The following CLEC2A variants were observed in gnomAD, a reference collection of about 807,000 sequenced individuals.
CLEC2A encodes keratinocyte-associated C-type lectin.
Under a neutral mutation model 18.6 loss-of-function variants are expected in CLEC2A, and 19 were observed. The ratio of observed to expected loss-of-function variants is 1.02; its 90% confidence interval spans 0.71 to 1.50. CLEC2A has a LOEUF of 1.50. Among genes scored for constraint, CLEC2A ranks in the 40% most tolerant of loss-of-function variants. CLEC2A has a pLI of 0.00. For missense variants in CLEC2A, 190 were observed against 207.9 expected, an observed-to-expected ratio of 0.91 and a Z score of 0.53; for synonymous variants, 74 against 64.0, an observed-to-expected ratio of 1.16 and a Z score of -0.75.
chr12:9,888,745 A>G, the CLEC2A span: 2 of 1,501,618 alleles, frequency 1.3e-6, no homozygotes, highest in Non-Finnish European at 1.8e-6. Flanking sequence ...AAAAAAATGG[A>G]TTTCTCCCAG....
the CLEC2A span, among the ~76,000 whole-genome samples, chr12:9,881,816 G>A: frequency 2.1e-3 from 313 of 152,202 alleles, 3 homozygotes; most frequent in African/African-American, 7.2e-3. Context: ...TTAGATTCAT[G>A]AAAGCATCAA....
the CLEC2A span, among the ~76,000 whole-genome samples, chr12:9,887,228 A>G: frequency 1.3e-5 from 2 of 152,180 alleles, no homozygotes; most frequent in African/African-American, 4.8e-5. Context: ...ACAAGAACCC[A>G]CTAAGTTCGG....
downstream of CLEC2A, among the ~76,000 whole-genome samples, chr12:9,896,477 T>C (rs971869852): frequency 1.3e-5 from 2 of 151,704 alleles, no homozygotes; most frequent in African/African-American, 4.8e-5. Context: ...AGCAAATCCG[T>C]GCATGTAAAT....
downstream of CLEC2A, among the ~76,000 whole-genome samples, chr12:9,895,133 C>T (rs1862741475): frequency 6.6e-6 from 1 of 152,210 alleles, no homozygotes; most frequent in African/African-American, 2.4e-5. Flanking sequence ...ATAGGTTTTA[C>T]TTTGACTTAA....
intron 4 of CLEC2A, among the ~76,000 whole-genome samples, chr12:9,905,472 T>C (rs1862893787): frequency 6.6e-6 from 1 of 152,206 alleles, no homozygotes; most frequent in Non-Finnish European, 1.5e-5. Context: ...GTCTTTAGTT[T>C]CAAACATAGG....
downstream of CLEC2A, chr12:9,895,593 G>T: frequency 8.4e-7 from 1 of 1,186,394 alleles, no homozygotes; most frequent in Non-Finnish European, 1.1e-6. Flanking sequence ...TTTGGCTGCT[G>T]AAGAATTACC....
intron 4 of CLEC2A, among the ~76,000 whole-genome samples, chr12:9,905,265 A>G (rs554679811): frequency 6.6e-6 from 1 of 152,270 alleles, no homozygotes; most frequent in African/African-American, 2.4e-5. Context: ...GGTGCTTTCT[A>G]TAATCAGGAG....
At chr12:9,903,373 C>T (rs990886456) in intron 4 of CLEC2A, among the ~76,000 whole-genome samples, 2 of 152,104 alleles carry the variant, frequency 1.3e-5, no homozygotes, top group African/African-American at 2.4e-5. Context: ...ATAAGCACAC[C>T]TATTATAACA....
At chr12:9,920,227 G>T (rs146747613) in intron 3 of CLEC2A, among the ~76,000 whole-genome samples, 1 of 152,176 alleles carries the variant, frequency 6.6e-6, no homozygotes. Context: ...CTTTACTAGG[G>T]ATGTGTAAGG....
chr12:9,880,825 C>G, the CLEC2A span, among the ~76,000 whole-genome samples: 1 of 152,100 alleles, frequency 6.6e-6, no homozygotes, highest in Non-Finnish European at 1.5e-5. Context: ...GCAAATCTGC[C>G]TTACTCAAAG....
the CLEC2A span, among the ~76,000 whole-genome samples, chr12:9,891,895 T>A: frequency 1.3e-5 from 2 of 152,212 alleles, no homozygotes; most frequent in Non-Finnish European, 2.9e-5. Context: ...GTTGACAGAC[T>A]AAAATATTAA....
At chr12:9,884,228 C>T in the CLEC2A span, among the ~76,000 whole-genome samples, 5 of 152,104 alleles carry the variant, frequency 3.3e-5, no homozygotes, top group Non-Finnish European at 7.4e-5. Flanking sequence ...CTTGTTTATT[C>T]CTTTATAAGG....
intron 4 of CLEC2A, among the ~76,000 whole-genome samples, chr12:9,904,257 C>T (rs965388468): frequency 2.0e-5 from 3 of 152,116 alleles, no homozygotes; most frequent in Non-Finnish European, 2.9e-5. Flanking sequence ...GAGAGAGCTC[C>T]GCATGATTCA....
chr12:9,911,202 C>T (rs1456384336), downstream of CLEC2A, among the ~76,000 whole-genome samples: 1 of 152,064 alleles, frequency 6.6e-6, no homozygotes, highest in African/African-American at 2.4e-5. Flanking sequence ...AGAAGAGGGC[C>T]ACCTGTGGAG....
downstream of CLEC2A, among the ~76,000 whole-genome samples, chr12:9,894,125 T>TC (rs1491049685): frequency 7.6e-4 from 81 of 106,592 alleles, 1 homozygote; most frequent in East Asian, 0.019. Flanking sequence ...CTTTCTTTTC[T>TC]TTCTCTCTCT....
intron 4 of CLEC2A, among the ~76,000 whole-genome samples, chr12:9,914,899 A>C (rs1380107561): frequency 6.6e-6 from 1 of 152,204 alleles, no homozygotes; most frequent in Non-Finnish European, 1.5e-5. Context: ...AGCAAAAGAA[A>C]CTATCATCAG....
downstream of CLEC2A, among the ~76,000 whole-genome samples, chr12:9,909,961 G>A (rs1463118209): frequency 2.0e-5 from 3 of 152,106 alleles, no homozygotes; most frequent in Non-Finnish European, 4.4e-5. Flanking sequence ...CTCTTTCAGA[G>A]CAGTAAGATT....
At chr12:9,923,024 T>C (rs1409686457) in intron 2 of CLEC2A, among the ~76,000 whole-genome samples, 1 of 152,162 alleles carries the variant, frequency 6.6e-6, no homozygotes, top group African/African-American at 2.4e-5. Flanking sequence ...GCTCTTTTTG[T>C]TGTGTTTTGT....
At chr12:9,901,653 GC>G (rs35446755) in intron 4 of CLEC2A, among the ~76,000 whole-genome samples, 16,544 of 152,154 alleles carry the variant, frequency 0.11, 1,361 homozygotes, top group East Asian at 0.34. Flanking sequence ...AAAGCCAGGT[GC>G]CAGGGAAGCC....
Sources: gnomAD v4.1 joint callset for allele counts (sites outside exome capture counted in the v4.1 genomes callset) on GRCh38, gnomAD v4.1.1 for gene constraint, MANE v1.5 for transcripts, NCBI Gene and HGNC (gene_info 2026-07-23, HGNC 2026-07-21) for gene names.